PLCXD2: variants seen among roughly 807,000 people sequenced by gnomAD.
PLCXD2 encodes phosphatidylinositol specific phospholipase C X domain containing 2.
A neutral mutation model predicts 28.6 loss-of-function variants in PLCXD2; 21 were observed. The observed-to-expected ratio is 0.73, with a 90% CI of 0.52 to 1.06. The LOEUF (loss-of-function observed/expected upper bound fraction) is 1.06. PLCXD2 is among the 50% of genes least tolerant of loss of function. The pLI is 0.00. For missense variants in PLCXD2, 369 were observed against 376.7 expected (o/e 0.98, Z 0.17); for synonymous variants, 140 against 150.1 (o/e 0.93, Z 0.49).
At chr3:111,714,181 T>C in intron 3 of PLCXD2, 53 bp downstream of exon 3, 1 of 1,574,554 alleles carries the variant, frequency 6.4e-7, no homozygotes, top group Non-Finnish European at 8.6e-7. Flanking sequence ...ATATTTATCT[T>C]GATTCTATTC....
At position 111,708,026 on chromosome 3, in the gene PLCXD2, G is replaced by A; in HGVS notation, c.264G>A (p.Lys88=). 1 of 1,614,204 alleles carries A rather than the reference G, an allele frequency of 6.2e-7. No homozygotes were observed. Among genetic ancestry groups the A allele is most frequent in the South Asian group, 1.1e-5 (1 of 91,086 alleles). ...GCCTCGCCAGGATCTCCTTGGTGAAGAAGCTAATGAAGAAGTGGTCTGTGA... is the reference window on the plus strand; with the variant it reads ...GCCTCGCCAGGATCTCCTTGGTGAAAAAGCTAATGAAGAAGTGGTCTGTGA... Residue 88 remains lysine (K), a synonymous_variant, in exon 2 of 5, where the codon AAG becomes AAA. Coordinates refer to ENST00000477665, the MANE Select transcript of PLCXD2 (RefSeq NM_001185106.1).
At position 111,708,285 on chromosome 3, in the gene PLCXD2, T is replaced by C. The variant is rs1941149151; in HGVS notation, c.523T>C (p.Cys175Arg). Residue 175 changes from cysteine (C) to arginine (R), a missense_variant, in exon 2 of 5, where the codon TGC becomes CGC. Coordinates refer to ENST00000477665, the MANE Select transcript of PLCXD2 (RefSeq NM_001185106.1). ...TGCCATGGATGAGACCCATCACAAA[T>C]GCCTGGTTCTGCGGATCCAGGAGGC... 1 of 1,614,134 alleles carries C rather than the reference T, an allele frequency of 6.2e-7. No homozygotes were observed. Among genetic ancestry groups the C allele is most frequent in the Non-Finnish European group, 8.5e-7 (1 of 1,180,016 alleles).
intron 3 of PLCXD2, among the ~76,000 whole-genome samples, chr3:111,720,402 C>G (rs752486559): frequency 6.6e-6 from 1 of 151,912 alleles, no homozygotes; most frequent in Non-Finnish European, 1.5e-5. Context: ...CCCAAAGTGC[C>G]GGGATTACAG....
intron 1 of PLCXD2, among the ~76,000 whole-genome samples, chr3:111,692,170 T>C (rs1940888151): frequency 6.6e-6 from 1 of 152,076 alleles, no homozygotes; most frequent in Non-Finnish European, 1.5e-5. Context: ...GCCGCCCGAG[T>C]AGCTGGGACT....
At chr3:111,723,485 T>C (rs1941373340) in intron 3 of PLCXD2, 1 of 152,228 alleles carries the variant, frequency 6.6e-6, no homozygotes, top group Non-Finnish European at 1.5e-5. Context: ...CAAGGTTGCA[T>C]GCACGGAGTC....
Position 111,707,933 on chromosome 3 carries a change from T to G in PLCXD2, c.171T>G (p.His57Gln). 3.7e-6 allele frequency: 6 copies of G among 1,613,298 alleles called. No homozygotes were observed. Among genetic ancestry groups the G allele is most frequent in the Non-Finnish European group, 4.2e-6 (5 of 1,179,560 alleles). ...CTGTATTCCTTTGTACAGGCTCACA[T>G]GATTCATTCAGCTACTGGGTGGATG... is the stretch of plus-strand genomic sequence containing the variant. The change falls in exon 2 of 5, where the codon CAT becomes CAG. Residue 57 changes from histidine (H) to glutamine (Q), a missense_variant. Transcript: ENST00000477665.
At chr3:111,709,925 G>A (rs899038901) in intron 2 of PLCXD2, among the ~76,000 whole-genome samples, 6 of 152,192 alleles carry the variant, frequency 3.9e-5, no homozygotes, top group South Asian at 2.1e-4. Context: ...TGCAATACTA[G>A]GAAGAGACCA....
At chr3:111,682,071 G>A (rs745666562) in intron 1 of PLCXD2, among the ~76,000 whole-genome samples, 1 of 152,190 alleles carries the variant, frequency 6.6e-6, no homozygotes, top group Non-Finnish European at 1.5e-5. Flanking sequence ...ATTTGAACAC[G>A]CATCAAGAAC....
intron 1 of PLCXD2, among the ~76,000 whole-genome samples, chr3:111,692,079 T>C (rs1940885772): frequency 6.6e-6 from 1 of 152,250 alleles, no homozygotes; most frequent in Non-Finnish European, 1.5e-5. Context: ...TCTGGCTCTG[T>C]CGCCCATGCT....
In PLCXD2 at chr3:111,695,856, T is replaced by G. The variant is rs1221183408; in HGVS notation, c.164-12070T>G. 2.0e-5 allele frequency among the ~76,000 whole-genome samples: 3 copies of G among 152,254 alleles called. No homozygotes were observed. The East Asian group carries it at 5.8e-4, about 29-fold the overall frequency. The stretch of plus-strand genomic sequence containing the variant: ...TCAGAATGGGGCACAATTTAAAACT[T>G]ATGAATTGTTTATTTTTTAAATTTT... On this transcript the variant is annotated intron_variant, in intron 1 of 4. Coordinates refer to ENST00000477665, the MANE Select transcript of PLCXD2 (RefSeq NM_001185106.1).
chr3:111,704,344 G>C (rs1182057957), intron 1 of PLCXD2, among the ~76,000 whole-genome samples: 2 of 152,180 alleles, frequency 1.3e-5, no homozygotes, highest in African/African-American at 2.4e-5. Flanking sequence ...TTCCGTATGA[G>C]TTAGTGGATA....
At chr3:111,705,558 T>C (rs1293016627) in intron 1 of PLCXD2, among the ~76,000 whole-genome samples, 1 of 152,190 alleles carries the variant, frequency 6.6e-6, no homozygotes, top group Non-Finnish European at 1.5e-5. Context: ...GTAGTAGTTC[T>C]ACATTTAGTT....
intron 1 of PLCXD2, among the ~76,000 whole-genome samples, chr3:111,704,126 G>A (rs1391537461): frequency 3.9e-5 from 6 of 152,056 alleles, no homozygotes; most frequent in Non-Finnish European, 7.4e-5. Context: ...AAATACCTAC[G>A]CTAAAATTTA....
intron 1 of PLCXD2, among the ~76,000 whole-genome samples, chr3:111,694,026 A>T (rs987734286): frequency 1.3e-5 from 2 of 152,230 alleles, no homozygotes; most frequent in Admixed American, 6.5e-5. Flanking sequence ...AAAAATATTT[A>T]CACCTCATTT....
Position 111,711,476 on chromosome 3 carries a change from C to T in PLCXD2, c.625-2411C>T, listed in dbSNP as rs570669655. On this transcript the variant is annotated intron_variant, in intron 2 of 4. Transcript: ENST00000477665. ...CAAACAGAGGCACCAGTCATCCCTG[C>T]TACTGCCAGGGCAGAGTTAAACTTT... 5.3e-5 allele frequency among the ~76,000 whole-genome samples: 8 copies of T among 152,324 alleles called. No homozygotes were observed. The South Asian group carries it at 8.3e-4, about 16-fold the overall frequency.
At chr3:111,694,907 T>C (rs1940940074) in intron 1 of PLCXD2, among the ~76,000 whole-genome samples, 1 of 152,228 alleles carries the variant, frequency 6.6e-6, no homozygotes, top group African/African-American at 2.4e-5. Flanking sequence ...ATTTTGCCTG[T>C]ATTGCCTGTA....
chr3:111,700,616 A>G (rs1204773256), intron 1 of PLCXD2, among the ~76,000 whole-genome samples: 2 of 152,194 alleles, frequency 1.3e-5, no homozygotes, highest in African/African-American at 4.8e-5. Context: ...AGAGGAAAAA[A>G]AAAATTTGTT....
chr3:111,708,359 G>A lies in PLCXD2; in HGVS notation c.597G>A (p.Leu199=). 1 of 1,613,976 alleles carries A rather than the reference G, an allele frequency of 6.2e-7. No homozygotes were observed. Among genetic ancestry groups the A allele is most frequent in the South Asian group, 1.1e-5 (1 of 91,062 alleles). Residue 199 remains leucine (L), a synonymous_variant, in exon 2 of 5, where the codon CTG becomes CTA. Coordinates refer to ENST00000477665, the MANE Select transcript of PLCXD2 (RefSeq NM_001185106.1). The stretch of plus-strand genomic sequence containing the variant: ...CCTGCAGTGTGGAAAGTTTGACGCT[G>A]CGAACTCTGTGGGAGAAGAACTGCC...
chr3:111,686,467 G>A (rs895492204), intron 1 of PLCXD2, among the ~76,000 whole-genome samples: 1 of 152,182 alleles, frequency 6.6e-6, no homozygotes, highest in Non-Finnish European at 1.5e-5. Flanking sequence ...CAGTTTGATG[G>A]TTATTATGAA....
Sources: allele counts gnomAD v4.1 joint callset (sites outside exome capture counted in the v4.1 genomes callset), GRCh38; gene constraint gnomAD v4.1.1; transcripts MANE v1.5; gene names NCBI Gene and HGNC (gene_info 2026-07-23, HGNC 2026-07-21).